The following DNAH5 variants were observed in gnomAD, a reference collection of about 807,000 sequenced individuals.
The protein encoded by DNAH5 is axonemal beta dynein heavy chain 5.
In DNAH5, 372 loss-of-function variants were observed where a neutral mutation model predicts 518.2. The ratio of observed to expected loss-of-function variants is 0.72; its 90% CI spans 0.66 to 0.78. DNAH5 has a LOEUF of 0.78. Ranked by LOEUF, DNAH5 falls within the 30% of genes least tolerant of loss-of-function variation. The pLI is 0.00. For missense variants in DNAH5, 5,523 were observed against 5,687.0 expected (o/e 0.97, Z 0.93); for synonymous variants, 2,039 against 2,025.9 (o/e 1.01, Z -0.17).
intron 1 of DNAH5, among the ~76,000 whole-genome samples, chr5:14,007,709 GC>G (rs1293834556): frequency 1.3e-5 from 2 of 152,150 alleles, no homozygotes; most frequent in Non-Finnish European, 2.9e-5. Context: ...TGGAAGGCAG[GC>G]CACTGATCTT....
intron 61 of DNAH5, among the ~76,000 whole-genome samples, chr5:13,755,165 A>C (rs990787852): frequency 1.3e-5 from 2 of 152,154 alleles, no homozygotes; most frequent in Non-Finnish European, 2.9e-5. Flanking sequence ...TTAGTGTTTA[A>C]GCAACAATTG....
Position 13,849,763 on chromosome 5 carries a change from A to C in DNAH5, c.5114+889T>G, listed in dbSNP as rs150622692. Among the ~76,000 whole-genome samples, 1,197 of 152,262 alleles carry C rather than the reference A, an allele frequency of 7.9e-3. 14 individuals are homozygous for C. The highest frequency in any genetic ancestry group is 0.028 in the African/African-American group (1,144 of 41,548). On this transcript the variant is annotated intron_variant, in intron 31 of 78. Transcript: ENST00000265104. ...TAAATAAGTAATCCACATTGCTTAC[A>C]AGTACCCTCTTACAGGTCTTTTTTC...
At chr5:13,988,552 G>C (rs1783228909) in intron 1 of DNAH5, among the ~76,000 whole-genome samples, 1 of 151,552 alleles carries the variant, frequency 6.6e-6, no homozygotes, top group Non-Finnish European at 1.5e-5. Flanking sequence ...AGAGTAGCTG[G>C]GATTACAGGT....
chr5:13,729,381 A>T, intron 69 of DNAH5, 58 bp downstream of exon 69: 1 of 1,608,722 alleles, frequency 6.2e-7, no homozygotes. Context: ...GTACCTAGTG[A>T]TAAATCAGAA....
intron 1 of DNAH5, among the ~76,000 whole-genome samples, chr5:13,940,162 C>G (rs1389034591): frequency 6.6e-6 from 1 of 152,110 alleles, no homozygotes; most frequent in Non-Finnish European, 1.5e-5. Flanking sequence ...AGGCATATCC[C>G]GGTGTCCACA....
chr5:13,768,798 G>A (rs771601527), intron 58 of DNAH5, among the ~76,000 whole-genome samples, 162 bp downstream of exon 58: 2 of 152,144 alleles, frequency 1.3e-5, no homozygotes, highest in Non-Finnish European at 2.9e-5. Context: ...AACCTATAAA[G>A]AGCTAATAAA....
chr5:13,910,358 T>C (rs910073944), intron 12 of DNAH5, among the ~76,000 whole-genome samples: 28 of 152,310 alleles, frequency 1.8e-4, no homozygotes, highest in African/African-American at 6.5e-4. Context: ...ATTACGATTA[T>C]TAAATGAATT....
chr5:13,712,103 G>C (rs563329911), intron 75 of DNAH5, among the ~76,000 whole-genome samples: 7 of 151,958 alleles, frequency 4.6e-5, no homozygotes, highest in Admixed American at 2.0e-4. Flanking sequence ...ATACAACATG[G>C]TACTGGTATA....
Position 13,708,171 on chromosome 5 carries a change from A to G in DNAH5, c.13290T>C (p.Asp4430=). ...GTIIMSENLR[D]ALDCMFDARI... is the part of the protein sequence containing the mutation. Reference sequence around the variant, plus strand: ...TAGCATCAAACATGCAATCCAATGCATCTCGCAGATTTTCGCTCATGATGA... The same window carrying G: ...TAGCATCAAACATGCAATCCAATGCGTCTCGCAGATTTTCGCTCATGATGA... Residue 4430 remains aspartate (D), a synonymous_variant, in exon 76 of 79, where the codon GAT becomes GAC. Coordinates refer to ENST00000265104, the MANE Select transcript of DNAH5 (RefSeq NM_001369.3). 1.2e-6 allele frequency: 2 copies of G among 1,614,224 alleles called. No individual in the cohort carries two copies. Among genetic ancestry groups the G allele is most frequent in the Non-Finnish European group, 1.7e-6 (2 of 1,180,020 alleles).
rs565187940 is a variant in DNAH5, at chr5:13,978,079, T to G, written c.12+33569A>C. On this transcript the variant is annotated intron_variant, in intron 1 of 78. Transcript: ENST00000681290. The stretch of plus-strand genomic sequence containing the variant: ...GGCCCAAGGGGCCAAGCATCGTCCC[T>G]ATGGAGGGGAGAATATGGAGCACTT... 2.8e-4 allele frequency among the ~76,000 whole-genome samples: 42 copies of G among 152,258 alleles called. No homozygotes were observed. In the East Asian group the frequency reaches 7.8e-3, roughly 28 times the overall value.
chr5:13,867,709 A>C, intron 25 of DNAH5, 65 bp downstream of exon 25: 1 of 1,261,458 alleles, frequency 7.9e-7, no homozygotes, highest in Non-Finnish European at 1.2e-6. Context: ...TTTTTAGACA[A>C]CTACATTTTG....
chr5:13,985,719 A>G (rs1783007008), intron 1 of DNAH5, among the ~76,000 whole-genome samples: 1 of 152,220 alleles, frequency 6.6e-6, no homozygotes, highest in South Asian at 2.1e-4. Context: ...TCACCAGAAG[A>G]CCCTTGAGTC....
chr5:13,914,307 C>T (rs997920609), intron 10 of DNAH5, among the ~76,000 whole-genome samples: 1 of 152,004 alleles, frequency 6.6e-6, no homozygotes, highest in Non-Finnish European at 1.5e-5. Context: ...CTAGTACTTA[C>T]TGTGATATCA....
chr5:13,896,618 G>C (rs566793035), intron 15 of DNAH5: 1 of 152,216 alleles, frequency 6.6e-6, no homozygotes, highest in African/African-American at 2.4e-5. Flanking sequence ...CAAGAATTTT[G>C]TCTGCTTTGT....
intron 31 of DNAH5, among the ~76,000 whole-genome samples, chr5:13,847,528 T>G (rs761615644): frequency 6.6e-6 from 1 of 151,570 alleles, no homozygotes; most frequent in Non-Finnish European, 1.5e-5. Context: ...GAGACCAGCC[T>G]GGCCACCATG....
At chr5:13,901,916 A>T (rs1774680875) in intron 13 of DNAH5, 137 bp downstream of exon 13, 1 of 674,012 alleles carries the variant, frequency 1.5e-6, no homozygotes, top group Non-Finnish European at 2.5e-6. Flanking sequence ...AAACTTAAAA[A>T]CTATGACCTT....
Position 13,925,720 on chromosome 5 carries a change from A to G in DNAH5, c.278-2280T>C, listed in dbSNP as rs1397042607. Among the ~76,000 whole-genome samples the G allele has an allele frequency of 7.2e-5, 11 of 152,228 alleles. No homozygotes were observed. The East Asian group carries it at 2.1e-3, about 29-fold the overall frequency. On this transcript the variant is annotated intron_variant, in intron 3 of 78. Coordinates refer to ENST00000265104, the MANE Select transcript of DNAH5 (RefSeq NM_001369.3). ...ATCACCTCCCACCAGGTTCCTACCA[A>G]GACACGTGATAATTGTGGGAGTTAC... is the stretch of plus-strand genomic sequence containing the variant.
chr5:13,720,703 A>G (rs1744932770), intron 71 of DNAH5, among the ~76,000 whole-genome samples: 1 of 152,142 alleles, frequency 6.6e-6, no homozygotes, highest in Admixed American at 6.5e-5. Flanking sequence ...GAACTCTGAT[A>G]TTCCATCTTC....
rs765299019 is a variant in DNAH5 at position 13,891,090 on chromosome 5, A to G, written c.2463T>C (p.Asn821=). 1.2e-6 allele frequency: 2 copies of G among 1,614,158 alleles called. No homozygotes were observed. Among genetic ancestry groups the G allele is most frequent in the Non-Finnish European group, 8.5e-7 (1 of 1,180,016 alleles). The change falls in exon 17 of 79, where the codon AAT becomes AAC. Residue 821 remains asparagine, a synonymous_variant. Transcript: ENST00000265104. The stretch of plus-strand genomic sequence containing the variant: ...CATCAATGCGGAACTCAATCAAATC[A>G]TTGACCCTGTCAAGCAGCAACTCCA... The part of the protein sequence containing the change: ...KDLELLLDRV[N]DLIEFRIDAI...
Sources: gnomAD v4.1 joint callset for allele counts (sites outside exome capture counted in the v4.1 genomes callset) on GRCh38, gnomAD v4.1.1 for gene constraint, MANE v1.5 for transcripts, NCBI Gene and HGNC (gene_info 2026-07-23, HGNC 2026-07-21) for gene names.